Variants in GPHN observed in about 807,000 individuals in gnomAD.
The protein encoded by GPHN is gephyrin.
Under a neutral mutation model 95.5 loss-of-function variants are expected in GPHN, and 17 were observed. The observed-to-expected ratio is 0.18, with a 90% CI of 0.12 to 0.27. GPHN has a LOEUF of 0.27. Ranked by LOEUF, GPHN falls within the 10% of genes least tolerant of loss-of-function variation. The pLI, the probability that GPHN is intolerant of heterozygous loss-of-function variation, is 1.00. For missense variants in GPHN, 660 were observed against 978.1 expected (o/e 0.67, Z 4.34); for synonymous variants, 320 against 322.5 (o/e 0.99, Z 0.08).
chr14:67,678,097 C>G, the GPHN span: 1 of 474,794 alleles, frequency 2.1e-6, no homozygotes, highest in Non-Finnish European at 3.8e-6. Flanking sequence ...TATGATATCT[C>G]TAGTAACTCT....
At chr14:66,780,232 C>T (rs1218322270) in intron 3 of GPHN, among the ~76,000 whole-genome samples, 1 of 152,056 alleles carries the variant, frequency 6.6e-6, no homozygotes, top group East Asian at 1.9e-4. Flanking sequence ...CTCAGATTAC[C>T]AAATATCCAA....
chr14:67,292,076 ATGG>A, the GPHN span, among the ~76,000 whole-genome samples: 1 of 152,216 alleles, frequency 6.6e-6, no homozygotes. Context: ...ACTATAAATT[ATGG>A]TTTAGCCATG....
intron 2 of GPHN, among the ~76,000 whole-genome samples, chr14:66,761,898 G>A (rs1375500290): frequency 2.0e-5 from 3 of 152,092 alleles, no homozygotes; most frequent in Non-Finnish European, 4.4e-5. Flanking sequence ...CTGACCTCGT[G>A]ATCCACCCGT....
At chr14:67,469,781 G>A in the GPHN span, among the ~76,000 whole-genome samples, 1 of 152,146 alleles carries the variant, frequency 6.6e-6, no homozygotes, top group African/African-American at 2.4e-5. Flanking sequence ...GTGCAGAGCT[G>A]TTTTTTCGAA....
intron 4 of GPHN, among the ~76,000 whole-genome samples, chr14:66,835,363 G>A (rs1165623422): frequency 6.6e-6 from 1 of 151,626 alleles, no homozygotes; most frequent in Non-Finnish European, 1.5e-5. Context: ...GTCAATTTTG[G>A]ATCTTTCCTG....
At chr14:67,147,504 TTTTTGTTTTG>T (rs60628008) in intron 18 of GPHN, among the ~76,000 whole-genome samples, 3 of 151,060 alleles carry the variant, frequency 2.0e-5, no homozygotes, top group South Asian at 2.1e-4. Flanking sequence ...ACAGTAGGGT[TTTTTGTTTTG>T]TTTTGTTTTG....
At chr14:67,047,190 T>C (rs1365054447) in intron 10 of GPHN, among the ~76,000 whole-genome samples, 1 of 152,092 alleles carries the variant, frequency 6.6e-6, no homozygotes, top group Non-Finnish European at 1.5e-5. Context: ...GCTTTTCTAC[T>C]GCTTGTTTTG....
chr14:67,296,707 A>G, the GPHN span, among the ~76,000 whole-genome samples: 1 of 151,792 alleles, frequency 6.6e-6, no homozygotes, highest in South Asian at 2.1e-4. Flanking sequence ...AAAAGAATTA[A>G]CTTATATGAA....
chr14:67,033,434 C>T (rs1173759367), intron 10 of GPHN, among the ~76,000 whole-genome samples: 1 of 151,824 alleles, frequency 6.6e-6, no homozygotes, highest in African/African-American at 2.4e-5. Flanking sequence ...CCTGGTGGTG[C>T]ACACCTGTAA....
chr14:66,707,300 A>G (rs1328483820), intron 2 of GPHN, among the ~76,000 whole-genome samples: 3 of 152,208 alleles, frequency 2.0e-5, no homozygotes, highest in South Asian at 2.1e-4. Flanking sequence ...TGACACAGCA[A>G]TTCCATTACT....
chr14:66,946,498 G>A (rs560514784), intron 8 of GPHN, among the ~76,000 whole-genome samples: 15 of 151,872 alleles, frequency 9.9e-5, no homozygotes, highest in Middle Eastern at 3.2e-3. Context: ...CTCCACCTCC[G>A]GGGTTCAAGT....
chr14:67,028,452 T>A (rs1484236611), intron 10 of GPHN, among the ~76,000 whole-genome samples: 1 of 152,194 alleles, frequency 6.6e-6, no homozygotes, highest in East Asian at 1.9e-4. Context: ...TAGTGTTTTT[T>A]ATAATGTCTT....
chr14:66,726,185 T>C (rs2071219520), intron 2 of GPHN, among the ~76,000 whole-genome samples: 1 of 152,204 alleles, frequency 6.6e-6, no homozygotes, highest in Non-Finnish European at 1.5e-5. Context: ...CCCGTTCAAA[T>C]TAATAAAAAT....
chr14:67,567,998 C>T, the GPHN span, among the ~76,000 whole-genome samples: 6 of 152,350 alleles, frequency 3.9e-5, no homozygotes, highest in Non-Finnish European at 7.3e-5. Context: ...GACCCAGGGG[C>T]CCCCTCAGGA....
At chr14:67,580,802 G>A in the GPHN span, 150 of 609,516 alleles carry the variant, frequency 2.5e-4, 5 homozygotes, top group South Asian at 2.3e-3. Flanking sequence ...ATGAAGCTCC[G>A]CAGGTCAGCC....
intron 8 of GPHN, among the ~76,000 whole-genome samples, chr14:66,961,924 A>ATATATATATATATATG (rs2068953436): frequency 1.3e-5 from 1 of 76,184 alleles, no homozygotes; most frequent in Admixed American, 1.6e-4. Flanking sequence ...ATATATATAT[A>ATATATATATATATATG]TATATATATA....
At chr14:66,931,974 G>A (rs983474940) in intron 8 of GPHN, among the ~76,000 whole-genome samples, 4 of 152,136 alleles carry the variant, frequency 2.6e-5, no homozygotes, top group Non-Finnish European at 5.9e-5. Flanking sequence ...GTCTAGGCTT[G>A]TTTGTACCCA....
At chr14:66,531,134 A>G (rs2058918189) in intron 1 of GPHN, among the ~76,000 whole-genome samples, 1 of 151,686 alleles carries the variant, frequency 6.6e-6, no homozygotes, top group Non-Finnish European at 1.5e-5. Flanking sequence ...TTAGTAGAGA[A>G]AGGGCTTCGT....
rs186754053 is a variant in GPHN at position 66,687,732 on chromosome 14, G to A, written c.143+6547G>A. On this transcript the variant is annotated intron_variant, in intron 2 of 22. Coordinates refer to ENST00000478722, the MANE Select transcript of GPHN (RefSeq NM_020806.5). ...TCTAACTCCTGACCTCAGGTGATCC[G>A]CCCACCTCGGCCTCCCAAAGTGCTG... Among the ~76,000 whole-genome samples the A allele has an allele frequency of 5.3e-4, 81 of 151,950 alleles. No homozygotes were observed. The Middle Eastern group carries it at 0.01, about 19-fold the overall frequency.
Sources: gnomAD v4.1 joint callset for allele counts (sites outside exome capture counted in the v4.1 genomes callset) on GRCh38, gnomAD v4.1.1 for gene constraint, MANE v1.5 for transcripts, NCBI Gene and HGNC (gene_info 2026-07-23, HGNC 2026-07-21) for gene names.